The following GNA12 variants were observed in gnomAD, a reference collection of about 807,000 sequenced individuals.
GNA12 encodes the protein guanine nucleotide-binding protein subunit alpha-12.
A neutral mutation model predicts 26.0 loss-of-function variants in GNA12; 9 were observed. The ratio of observed to expected loss-of-function variants is 0.35; its 90% CI spans 0.21 to 0.60. The LOEUF is 0.60. GNA12 is among the 20% of genes least tolerant of loss of function. GNA12 has a pLI of 0.78. For missense variants in GNA12, 405 were observed against 525.8 expected (o/e 0.77, Z 2.25); for synonymous variants, 264 against 219.6 (o/e 1.20, Z -1.79).
At chr7:2,758,527 C>T (rs907271493) in intron 2 of GNA12, among the ~76,000 whole-genome samples, 7 of 152,192 alleles carry the variant, frequency 4.6e-5, no homozygotes, top group South Asian at 2.1e-4. Flanking sequence ...TGTGATGGAA[C>T]GTATCTCCTG....
chr7:2,804,847 C>A (rs1004050590), intron 1 of GNA12, among the ~76,000 whole-genome samples: 17 of 151,602 alleles, frequency 1.1e-4, no homozygotes, highest in African/African-American at 4.1e-4. Context: ...TCTGTTGAGC[C>A]CAGGAGTTGG....
intron 2 of GNA12, among the ~76,000 whole-genome samples, chr7:2,784,033 G>C (rs973719805): frequency 4.6e-5 from 7 of 152,086 alleles, no homozygotes. Context: ...ATTATTTTCA[G>C]CAGGTCTTTA....
At chr7:2,789,038 C>A (rs1792439112) in intron 2 of GNA12, among the ~76,000 whole-genome samples, 1 of 151,304 alleles carries the variant, frequency 6.6e-6, no homozygotes, top group Middle Eastern at 3.2e-3. Context: ...CCAGGGTGGT[C>A]TTGAACTGAC....
At chr7:2,771,924 G>A (rs1424127083) in intron 2 of GNA12, among the ~76,000 whole-genome samples, 2 of 151,946 alleles carry the variant, frequency 1.3e-5, no homozygotes, top group Admixed American at 6.6e-5. Flanking sequence ...TCCCACCCCC[G>A]CCCTCACTGT....
At chr7:2,742,062 C>T (rs1252335985) in intron 2 of GNA12, among the ~76,000 whole-genome samples, 1 of 151,778 alleles carries the variant, frequency 6.6e-6, no homozygotes, top group East Asian at 1.9e-4. Context: ...CACCCTGTTG[C>T]CCAGGCTAGA....
chr7:2,745,735 A>G (rs1455813971), intron 2 of GNA12, among the ~76,000 whole-genome samples: 1 of 152,228 alleles, frequency 6.6e-6, no homozygotes, highest in African/African-American at 2.4e-5. Flanking sequence ...AAATTGGATA[A>G]AGAGTCAAGA....
chr7:2,737,264 GTTTTGTTTTGTTTTTTTTTTTTTTGTTT>G (rs1790234494), intron 2 of GNA12, among the ~76,000 whole-genome samples: 5 of 52,452 alleles, frequency 9.5e-5, no homozygotes, highest in Admixed American at 9.0e-4. Flanking sequence ...CTATCTCACA[GTTTTGTTTTGTTTTTTTTTTTTTTGTTT>G]TTTTTTTTTT....
rs1554261255 is a variant in GNA12 at position 2,796,994 on chromosome 7, G to GTC, written c.310-1853_310-1852dup. Among the ~76,000 whole-genome samples, 5 of 152,306 alleles carry GTC rather than the reference G, an allele frequency of 3.3e-5. No individual in the cohort carries two copies. In the South Asian group the frequency reaches 1.0e-3, roughly 32 times the overall value. On this transcript the variant is annotated intron_variant, in intron 1 of 3. Coordinates refer to ENST00000275364, the MANE Select transcript of GNA12 (RefSeq NM_007353.3). Reference sequence around the variant, plus strand: ...GTCTACACTGGGGGTATACAGAGTGGTCAAGGGCCCTGAGAAGGCTATCAA... The same window carrying GTC: ...GTCTACACTGGGGGTATACAGAGTGGTCTCAAGGGCCCTGAGAAGGCTATCAA...
At chr7:2,827,497 T>C (rs966096882) in intron 1 of GNA12, among the ~76,000 whole-genome samples, 2 of 152,222 alleles carry the variant, frequency 1.3e-5, no homozygotes, top group Non-Finnish European at 2.9e-5. Flanking sequence ...ATTCAAGCAC[T>C]GTGGCCCGGA....
rs113845376 is a variant in GNA12, at chr7:2,810,999, C to T, written c.310-15856G>A. Among the ~76,000 whole-genome samples the T allele has an allele frequency of 6.7e-3, 1,023 of 152,258 alleles. 12 individuals carry two copies. The highest frequency in any genetic ancestry group is 0.023 in the African/African-American group (966 of 41,550). ...CTCATTCAACAGGGACACCCAGGCC[C>T]GCAGCTCAGCCTTTGGAGATGGCAA... On this transcript the variant is annotated intron_variant, in intron 1 of 3. Coordinates refer to ENST00000275364, the MANE Select transcript of GNA12 (RefSeq NM_007353.3).
At chr7:2,822,459 A>G (rs1037508018) in intron 1 of GNA12, among the ~76,000 whole-genome samples, 7 of 152,210 alleles carry the variant, frequency 4.6e-5, no homozygotes, top group African/African-American at 1.7e-4. Context: ...ATAAAGATTG[A>G]AGGGCCAAGC....
intron 1 of GNA12, among the ~76,000 whole-genome samples, chr7:2,843,408 A>G (rs1011563828): frequency 2.8e-4 from 43 of 151,616 alleles, no homozygotes; most frequent in African/African-American, 8.2e-4. Flanking sequence ...CTTGAGGGAG[A>G]CCAAGGCAGG....
At position 2,817,094 on chromosome 7, in the gene GNA12, A is replaced by T. The variant is rs1793234658; in HGVS notation, c.310-21951T>A. On this transcript the variant is annotated intron_variant, in intron 1 of 3. Coordinates refer to ENST00000275364, the MANE Select transcript of GNA12 (RefSeq NM_007353.3). Reference sequence around the variant, plus strand: ...AAACTTTCCAATGGCTTCCCATCATACTCCACTTTATTTTTATTTATTTAT... The same window carrying T: ...AAACTTTCCAATGGCTTCCCATCATTCTCCACTTTATTTTTATTTATTTAT... Among the ~76,000 whole-genome samples, 4 of 152,000 alleles carry T rather than the reference A, an allele frequency of 2.6e-5. No homozygotes were observed. In the South Asian group the frequency reaches 8.3e-4, roughly 32 times the overall value.
chr7:2,831,568 TA>T (rs1450498885), intron 1 of GNA12, among the ~76,000 whole-genome samples: 2 of 151,952 alleles, frequency 1.3e-5, no homozygotes, highest in Admixed American at 6.6e-5. Flanking sequence ...CACGCCCGGT[TA>T]TTTTTTTGTA....
At chr7:2,733,720 C>A (rs1414017475) in intron 2 of GNA12, among the ~76,000 whole-genome samples, 2 of 152,224 alleles carry the variant, frequency 1.3e-5, no homozygotes, top group Admixed American at 6.5e-5. Flanking sequence ...CCCCAAGGTT[C>A]AAATTCTGGC....
chr7:2,823,090 T>G (rs1793405303), intron 1 of GNA12, among the ~76,000 whole-genome samples: 2 of 152,216 alleles, frequency 1.3e-5, no homozygotes, highest in South Asian at 4.1e-4. Context: ...TCTCAGTAAC[T>G]ATTTGTATAT....
chr7:2,753,022 C>T (rs1445892364), intron 2 of GNA12, among the ~76,000 whole-genome samples: 1 of 152,340 alleles, frequency 6.6e-6, no homozygotes, highest in Admixed American at 6.5e-5. Flanking sequence ...CTCCTTCTTC[C>T]ACCATCCCTA....
intron 2 of GNA12, among the ~76,000 whole-genome samples, chr7:2,752,277 G>C (rs916998820): frequency 2.6e-5 from 4 of 152,018 alleles, no homozygotes; most frequent in Non-Finnish European, 5.9e-5. Context: ...CAGACTAATA[G>C]AAAGAAACTT....
chr7:2,747,697 A>G (rs1790833569), intron 2 of GNA12, among the ~76,000 whole-genome samples: 1 of 152,226 alleles, frequency 6.6e-6, no homozygotes, highest in African/African-American at 2.4e-5. Flanking sequence ...AAGGAAATAA[A>G]GGGTATTCAA....
Sources: allele counts gnomAD v4.1 joint callset (sites outside exome capture counted in the v4.1 genomes callset), GRCh38; gene constraint gnomAD v4.1.1; transcripts MANE v1.5; gene names NCBI Gene and HGNC (gene_info 2026-07-23, HGNC 2026-07-21).